Variants in PTPRT observed in about 807,000 individuals in gnomAD.
PTPRT encodes receptor-type tyrosine-protein phosphatase T.
In PTPRT, 56 loss-of-function variants were observed where a neutral mutation model predicts 176.8. The observed-to-expected ratio is 0.32, with a 90% CI of 0.26 to 0.40. The LOEUF (loss-of-function observed/expected upper bound fraction) is 0.40. Among genes scored for constraint, PTPRT ranks in the 10% least tolerant of loss-of-function variants. The pLI is 1.00. For missense variants in PTPRT, 1,540 were observed against 1,908.2 expected (o/e 0.81, Z 3.60); for synonymous variants, 783 against 739.0 (o/e 1.06, Z -0.96).
At chr20:42,782,529 T>C (rs1600731840) in intron 3 of PTPRT, among the ~76,000 whole-genome samples, 2 of 152,240 alleles carry the variant, frequency 1.3e-5, no homozygotes, top group Admixed American at 1.3e-4. Context: ...CTATGACCCA[T>C]TCAGTCACCC....
chr20:42,284,291 C>G (rs1438825497), intron 12 of PTPRT, among the ~76,000 whole-genome samples: 1 of 151,898 alleles, frequency 6.6e-6, no homozygotes, highest in East Asian at 1.9e-4. Flanking sequence ...ATCCGTCTCC[C>G]CCAACCAAAA....
chr20:42,509,828 G>C (rs2071921736), intron 7 of PTPRT, among the ~76,000 whole-genome samples: 1 of 152,044 alleles, frequency 6.6e-6, no homozygotes, highest in African/African-American at 2.4e-5. Flanking sequence ...CATCCACTTA[G>C]AGTACCATAC....
At chr20:42,780,417 A>G in intron 3 of PTPRT, 118 bp from the exon 4 acceptor site, 1 of 726,738 alleles carries the variant, frequency 1.4e-6, no homozygotes, top group Non-Finnish European at 2.4e-6. Flanking sequence ...AACCCAAGAA[A>G]CCTTCTGTTA....
chr20:42,665,782 T>C (rs2075304613), intron 7 of PTPRT, among the ~76,000 whole-genome samples: 1 of 152,140 alleles, frequency 6.6e-6, no homozygotes, highest in Non-Finnish European at 1.5e-5. Context: ...GATGAGTTCC[T>C]GTCCTTTGTA....
chr20:42,093,391 GA>G (rs1395479920), intron 27 of PTPRT, among the ~76,000 whole-genome samples: 1 of 152,206 alleles, frequency 6.6e-6, no homozygotes, highest in African/African-American at 2.4e-5. Context: ...CTGTAAGGTT[GA>G]ATGCAGAAGT....
intron 9 of PTPRT, among the ~76,000 whole-genome samples, chr20:42,377,047 G>T (rs1267604175): frequency 6.6e-6 from 1 of 152,170 alleles, no homozygotes; most frequent in Non-Finnish European, 1.5e-5. Context: ...TGTCAGATGC[G>T]TGTCTTTTGG....
At chr20:42,517,057 T>C (rs1174794742) in intron 7 of PTPRT, among the ~76,000 whole-genome samples, 2 of 152,108 alleles carry the variant, frequency 1.3e-5, no homozygotes, top group Non-Finnish European at 2.9e-5. Flanking sequence ...CTAAGTATAA[T>C]TAATCAGAGA....
At chr20:43,000,447 G>A (rs975578711) in intron 1 of PTPRT, among the ~76,000 whole-genome samples, 1 of 151,986 alleles carries the variant, frequency 6.6e-6, no homozygotes, top group Non-Finnish European at 1.5e-5. Context: ...TAAGTTTGCT[G>A]TGTGACAGCA....
intron 1 of PTPRT, among the ~76,000 whole-genome samples, chr20:43,047,533 A>G (rs1209663606): frequency 6.6e-6 from 1 of 152,200 alleles, no homozygotes; most frequent in Non-Finnish European, 1.5e-5. Context: ...GGGAGAAAAG[A>G]GACATGAGAA....
rs892265285 is a variant in PTPRT, at chr20:42,079,682, C to T, written c.*1197G>A. ...TTAAATCAAAGTATAATGGGCTCCACAATGGCCTTTTTCAAGGTGGCTGCT... is the reference window on the plus strand; with the variant it reads ...TTAAATCAAAGTATAATGGGCTCCATAATGGCCTTTTTCAAGGTGGCTGCT... On this transcript the variant is annotated 3_prime_UTR_variant, in exon 31 of 31. Coordinates refer to ENST00000373187, the MANE Select transcript of PTPRT (RefSeq NM_007050.6). 5 of 229,094 alleles carry T rather than the reference C, an allele frequency of 2.2e-5. No homozygotes were observed. The highest frequency in any genetic ancestry group is 6.6e-5 in the African/African-American group (3 of 45,220). 14.2% of individuals were successfully genotyped at this position (229,094 alleles called of 1,614,324 possible).
At chr20:42,434,455 T>C (rs761503491) in intron 9 of PTPRT, among the ~76,000 whole-genome samples, 7 of 152,174 alleles carry the variant, frequency 4.6e-5, no homozygotes, top group Non-Finnish European at 1.0e-4. Flanking sequence ...ATTAATTCTA[T>C]GAGTTAAGTA....
intron 7 of PTPRT, among the ~76,000 whole-genome samples, chr20:42,627,997 A>C (rs1166963609): frequency 6.6e-6 from 1 of 152,166 alleles, no homozygotes; most frequent in South Asian, 2.1e-4. Context: ...TGCTGGGACA[A>C]CTGGGAGAAC....
At chr20:42,230,795 T>G (rs2056117883) in intron 15 of PTPRT, among the ~76,000 whole-genome samples, 1 of 152,168 alleles carries the variant, frequency 6.6e-6, no homozygotes, top group South Asian at 2.1e-4. Context: ...AAAACCCACA[T>G]GATTCACATT....
At chr20:42,262,921 A>T (rs2056774079) in intron 13 of PTPRT, among the ~76,000 whole-genome samples, 1 of 152,174 alleles carries the variant, frequency 6.6e-6, no homozygotes, top group Non-Finnish European at 1.5e-5. Flanking sequence ...TCTGGAGATA[A>T]TGGGGGCCAG....
intron 7 of PTPRT, among the ~76,000 whole-genome samples, chr20:42,521,876 G>A (rs377751777): frequency 2.1e-4 from 32 of 151,946 alleles, no homozygotes; most frequent in African/African-American, 6.5e-4. Flanking sequence ...TGACTTAGTC[G>A]TTTTTCCTGG....
chr20:43,121,989 G>A (rs1054525399), intron 1 of PTPRT, among the ~76,000 whole-genome samples: 1 of 152,156 alleles, frequency 6.6e-6, no homozygotes, highest in African/African-American at 2.4e-5. Flanking sequence ...AACTCTGTCT[G>A]GGGACTCCAA....
At chr20:42,310,254 G>A (rs1247324652) in intron 12 of PTPRT, among the ~76,000 whole-genome samples, 4 of 152,124 alleles carry the variant, frequency 2.6e-5, no homozygotes. Flanking sequence ...AGAACATGAT[G>A]GGGAAAATGA....
intron 7 of PTPRT, among the ~76,000 whole-genome samples, chr20:42,579,691 C>T (rs1476590287): frequency 2.0e-5 from 3 of 152,172 alleles, no homozygotes; most frequent in Non-Finnish European, 4.4e-5. Context: ...TGTCTTTTGG[C>T]TGCAAAAATG....
intron 11 of PTPRT, among the ~76,000 whole-genome samples, chr20:42,326,603 T>C (rs544008315): frequency 6.6e-6 from 1 of 152,084 alleles, no homozygotes; most frequent in South Asian, 2.1e-4. Context: ...AAAACACAAA[T>C]AAGAAACGTA....
Sources: gnomAD v4.1 joint callset for allele counts (sites outside exome capture counted in the v4.1 genomes callset) on GRCh38, gnomAD v4.1.1 for gene constraint, MANE v1.5 for transcripts, NCBI Gene and HGNC (gene_info 2026-07-23, HGNC 2026-07-21) for gene names.